Variants in GRIP1 observed in about 807,000 individuals in gnomAD.
The protein encoded by GRIP1 is glutamate receptor interacting protein 1, also known as glutamate receptor-interacting protein 1.
GRIP1 carries 45 observed loss-of-function variants against 129.9 expected under a neutral mutation model. That is an observed-to-expected ratio of 0.35 (90% CI 0.27 to 0.44). GRIP1 has a LOEUF of 0.44. Among genes scored for constraint, GRIP1 ranks in the 20% least tolerant of loss-of-function variants. The pLI is 1.00. For synonymous variants in GRIP1, 530 were observed against 520.8 expected, an observed-to-expected ratio of 1.02 and a Z score of -0.24; for missense variants, 1,196 against 1,396.8, an observed-to-expected ratio of 0.86 and a Z score of 2.29.
chr12:66,974,290 A>G (rs2042120708), intron 1 of GRIP1, among the ~76,000 whole-genome samples: 1 of 151,942 alleles, frequency 6.6e-6, no homozygotes, highest in South Asian at 2.1e-4. Context: ...CCCACTCCAT[A>G]CACATACATA....
At chr12:66,413,731 T>G (rs994769782) in intron 15 of GRIP1, among the ~76,000 whole-genome samples, 5 of 152,078 alleles carry the variant, frequency 3.3e-5, no homozygotes, top group African/African-American at 1.2e-4. Flanking sequence ...CCAGCAGCAC[T>G]TTAAAAAGTT....
chr12:66,864,586 T>TCC (rs1250958180), intron 1 of GRIP1, among the ~76,000 whole-genome samples: 1 of 151,300 alleles, frequency 6.6e-6, no homozygotes, highest in Admixed American at 6.6e-5. Context: ...GGTATGGTGG[T>TCC]GTGGGTCTGT....
chr12:66,961,703 A>G (rs749034171), intron 1 of GRIP1, among the ~76,000 whole-genome samples: 8 of 152,038 alleles, frequency 5.3e-5, no homozygotes, highest in Non-Finnish European at 1.2e-4. Flanking sequence ...ATATTTATTG[A>G]ATACTTACAT....
rs778360723 is a variant in GRIP1, at chr12:66,371,812, C to T, written c.2894G>A (p.Ser965Asn). 5 of 1,614,106 alleles carry T rather than the reference C, an allele frequency of 3.1e-6. No homozygotes were observed. Among genetic ancestry groups the T allele is most frequent in the Admixed American group, 3.3e-5 (2 of 60,022 alleles). The change falls in exon 23 of 25, where the codon AGC becomes AAC. Residue 965 changes from serine (S) to asparagine (N), a missense_variant. Ser to Asn is a conservative substitution (Grantham distance 46, BLOSUM62 1). Around this residue, in one of 5 missense-constraint regions of GRIP1, gnomAD observed 427 missense variants for 463.3 expected, o/e 0.92. Transcript: ENST00000359742. ...CAGGGTGTTGCTCCGAGTTGTTTGG[C>T]TGTAGTGCGGCCGCGAGCTGCTGCG... ...QERSSSRPHY[S>N]QTTRSNTLPS...
At chr12:66,860,615 G>C (rs2040095073) in intron 1 of GRIP1, among the ~76,000 whole-genome samples, 1 of 151,948 alleles carries the variant, frequency 6.6e-6, no homozygotes, top group African/African-American at 2.4e-5. Context: ...GACCACATCT[G>C]CAACACAAGC....
chr12:66,603,795 T>C (rs2139817928), intron 1 of GRIP1, among the ~76,000 whole-genome samples: 1 of 152,320 alleles, frequency 6.6e-6, no homozygotes, highest in Admixed American at 6.5e-5. Flanking sequence ...AATCTTCCCT[T>C]GATCCATTTT....
intron 19 of GRIP1, among the ~76,000 whole-genome samples, chr12:66,391,363 G>T (rs1332838453): frequency 6.6e-6 from 1 of 152,286 alleles, no homozygotes; most frequent in East Asian, 1.9e-4. Context: ...TTGATGCTAC[G>T]GATCACTGGG....
intron 11 of GRIP1, among the ~76,000 whole-genome samples, chr12:66,449,917 A>T (rs957377621): frequency 2.0e-5 from 3 of 151,792 alleles, no homozygotes; most frequent in Non-Finnish European, 4.4e-5. Flanking sequence ...TCCATTTGAG[A>T]TCACAATTTG....
intron 23 of GRIP1, among the ~76,000 whole-genome samples, chr12:66,361,476 C>T (rs2054762545): frequency 6.6e-6 from 1 of 152,226 alleles, no homozygotes; most frequent in Non-Finnish European, 1.5e-5. Flanking sequence ...CTGCCTTTCT[C>T]ATTCATCCCA....
intron 1 of GRIP1, among the ~76,000 whole-genome samples, chr12:66,824,795 CTTTT>C (rs567099565): frequency 6.6e-6 from 1 of 152,000 alleles, no homozygotes; most frequent in Admixed American, 6.6e-5. Context: ...TGACTTTTAT[CTTTT>C]TTTAAGAGGG....
chr12:66,880,427 G>A (rs145958418), intron 1 of GRIP1, among the ~76,000 whole-genome samples: 3 of 152,236 alleles, frequency 2.0e-5, no homozygotes, highest in African/African-American at 7.2e-5. Flanking sequence ...ATGTCTTGAC[G>A]TTGAGTTCAT....
At chr12:66,533,879 A>ACTC (rs879391301) in intron 4 of GRIP1, among the ~76,000 whole-genome samples, 118 of 131,190 alleles carry the variant, frequency 9.0e-4, no homozygotes, top group Middle Eastern at 4.3e-3. Flanking sequence ...ACACACACAC[A>ACTC]TACACACACT....
chr12:66,592,305 T>C (rs535395621), intron 2 of GRIP1, among the ~76,000 whole-genome samples: 1 of 152,318 alleles, frequency 6.6e-6, no homozygotes, highest in South Asian at 2.1e-4. Context: ...CTGGACATTT[T>C]AGATTCTCAG....
At chr12:66,419,441 A>G (rs1196648454) in intron 15 of GRIP1, among the ~76,000 whole-genome samples, 4 of 152,160 alleles carry the variant, frequency 2.6e-5, no homozygotes, top group Non-Finnish European at 5.9e-5. Context: ...AAAAATAACT[A>G]AAAAAGTATA....
chr12:67,039,384 T>C (rs893943458), intron 1 of GRIP1, among the ~76,000 whole-genome samples: 2 of 152,156 alleles, frequency 1.3e-5, no homozygotes, highest in Non-Finnish European at 2.9e-5. Context: ...GACTCTTCCA[T>C]TAAAAGTATA....
chr12:66,400,055 A>G (rs944580287), intron 16 of GRIP1, among the ~76,000 whole-genome samples: 2 of 151,950 alleles, frequency 1.3e-5, no homozygotes, highest in Non-Finnish European at 2.9e-5. Context: ...AAGTCTCAAA[A>G]CTAGGTTTGT....
intron 14 of GRIP1, among the ~76,000 whole-genome samples, chr12:66,422,713 C>T (rs1310498405): frequency 1.3e-5 from 2 of 152,186 alleles, no homozygotes; most frequent in Non-Finnish European, 2.9e-5. Context: ...TTGGTCAAAC[C>T]TACACAGCTT....
intron 15 of GRIP1, among the ~76,000 whole-genome samples, chr12:66,419,370 G>C (rs2057722802): frequency 1.3e-5 from 2 of 152,088 alleles, no homozygotes; most frequent in African/African-American, 4.8e-5. Flanking sequence ...GAATGACTAA[G>C]ACCTAGTATT....
intron 1 of GRIP1, among the ~76,000 whole-genome samples, chr12:66,976,593 G>A (rs2042155375): frequency 6.6e-6 from 1 of 152,010 alleles, no homozygotes; most frequent in African/African-American, 2.4e-5. Flanking sequence ...CATATCACCT[G>A]GCAAAGAACA....
Sources: gnomAD v4.1 joint callset for allele counts (sites outside exome capture counted in the v4.1 genomes callset) on GRCh38, gnomAD v4.1.1 for gene constraint, gnomAD v4.1.1 regional missense constraint, MANE v1.5 for transcripts, NCBI Gene and HGNC (gene_info 2026-07-23, HGNC 2026-07-21) for gene names.